The following ITSN2 variants were observed in gnomAD, a reference collection of about 807,000 sequenced individuals.
The protein encoded by ITSN2 is intersectin-2.
In ITSN2, 156 loss-of-function variants were observed where a neutral mutation model predicts 243.7. The ratio of observed to expected loss-of-function variants is 0.64; its 90% CI spans 0.56 to 0.73. ITSN2 has a LOEUF of 0.73. Ranked by LOEUF, ITSN2 falls within the 30% of genes least tolerant of loss-of-function variation. The pLI, the probability that ITSN2 is intolerant of heterozygous loss-of-function variation, is 0.00. For synonymous variants in ITSN2, 703 were observed against 699.9 expected (o/e 1.00, Z -0.07); for missense variants, 1,801 against 1,996.1 (o/e 0.90, Z 1.86).
chr2:24,334,726 C>G (rs951325660), intron 1 of ITSN2: 3 of 1,585,292 alleles, frequency 1.9e-6, no homozygotes, highest in Non-Finnish European at 2.6e-6. Context: ...GGCTTGAGTG[C>G]GTTGAGCCCA....
chr2:24,288,451 T>A (rs952787905), intron 15 of ITSN2, among the ~76,000 whole-genome samples: 4 of 152,140 alleles, frequency 2.6e-5, no homozygotes, highest in Admixed American at 6.5e-5. Context: ...GTAAATTGGC[T>A]AAGGAGCTAA....
At chr2:24,325,936 C>T (rs549431627) in intron 2 of ITSN2, among the ~76,000 whole-genome samples, 138 of 151,932 alleles carry the variant, frequency 9.1e-4, no homozygotes, top group Middle Eastern at 6.8e-3. Flanking sequence ...CATACACACA[C>T]ACACATACAC....
At position 24,203,467 on chromosome 2, in the gene ITSN2, T is replaced by C; in HGVS notation, c.*159A>G. 3.0e-6 allele frequency: 2 copies of C among 664,156 alleles called. No homozygotes were observed. The highest frequency in any genetic ancestry group is 5.0e-6 in the Non-Finnish European group (2 of 400,148). 41.1% of individuals were successfully genotyped at this position (664,156 alleles called of 1,614,324 possible). ...TTATGGGAAAGGTGTTTGCATAGAT[T>C]GCTAGCTATTTAGTGTGCAGGAAAA... On this transcript the variant is annotated 3_prime_UTR_variant, in exon 40 of 40. Transcript: ENST00000355123.
Position 24,209,174 on chromosome 2 carries a change from G to A in ITSN2, c.4521C>T (p.Ser1507=), listed in dbSNP as rs1263247741. ...AAATGTGGAAGACAGGCTCATCGCT[G>A]GAAGGGTCTGTGGGCAGTTTCACCA... ...EVLVKLPTDP[S]SDEPVFHISH... Residue 1507 remains serine (S), a synonymous_variant, in exon 36 of 40, where the codon TCC becomes TCT. Transcript: ENST00000355123. The A allele has an allele frequency of 2.5e-6, 4 of 1,613,900 alleles. No homozygotes were observed. The highest frequency in any genetic ancestry group is 3.4e-6 in the Non-Finnish European group (4 of 1,179,892).
intron 2 of ITSN2, chr2:24,326,709 A>T (rs1389649019): frequency 5.9e-6 from 1 of 169,062 alleles, no homozygotes; most frequent in Non-Finnish European, 1.5e-5. Context: ...GAAACAACAA[A>T]ATCTTTACTT....
At chr2:24,272,063 T>C (rs1677427235) in intron 18 of ITSN2, 122 bp from the exon 19 acceptor site, 1 of 742,630 alleles carries the variant, frequency 1.3e-6, no homozygotes, top group Non-Finnish European at 2.1e-6. Context: ...AGTACAGGGG[T>C]GGGGAGAAAC....
chr2:24,359,541 A>C (rs944219897), intron 1 of ITSN2, among the ~76,000 whole-genome samples: 1 of 152,218 alleles, frequency 6.6e-6, no homozygotes, highest in African/African-American at 2.4e-5. Context: ...ATAATTAATA[A>C]ATCCAAACGG....
chr2:24,359,896 G>A (rs1472923595), intron 1 of ITSN2, among the ~76,000 whole-genome samples: 1 of 152,054 alleles, frequency 6.6e-6, no homozygotes, highest in Non-Finnish European at 1.5e-5. Flanking sequence ...AAAATAAAAT[G>A]GGTCCCCGAG....
intron 1 of ITSN2, among the ~76,000 whole-genome samples, chr2:24,337,636 C>T (rs1686600599): frequency 6.8e-6 from 1 of 148,144 alleles, no homozygotes; most frequent in Admixed American, 6.7e-5. Context: ...AGGCGTGAGC[C>T]ACCACGCCTG....
chr2:24,271,943 T>C lies in ITSN2; in HGVS notation c.2082-2A>G. On this transcript the variant is annotated splice_acceptor_variant, in intron 18 of 39. Coordinates refer to ENST00000355123, the MANE Select transcript of ITSN2 (RefSeq NM_006277.3). LOFTEE classifies it high-confidence loss of function. ...TTTTCTTTTCCTTGCTTTGCTTTCC[T>C]TTACATAAAAGAAAAAGAGTTTGTA... The C allele has an allele frequency of 6.6e-7, 1 of 1,516,256 alleles. No homozygotes were observed. Among genetic ancestry groups the C allele is most frequent in the Non-Finnish European group, 8.9e-7 (1 of 1,125,114 alleles). The allele number at this position is 1,516,256 out of a possible 1,614,324, so 93.9% of individuals were successfully genotyped here.
At chr2:24,334,403 C>G in intron 1 of ITSN2, 1 of 404,268 alleles carries the variant, frequency 2.5e-6, no homozygotes, top group East Asian at 5.9e-5. Flanking sequence ...CCATCTTGGC[C>G]AAACCCCAAA....
At chr2:24,241,778 T>C (rs1244248235) in intron 29 of ITSN2, 1 of 152,618 alleles carries the variant, frequency 6.6e-6, no homozygotes, top group East Asian at 1.9e-4. Flanking sequence ...ATCTGAATTC[T>C]GTAAATGAAT....
chr2:24,359,569 T>C (rs186976744), intron 1 of ITSN2, among the ~76,000 whole-genome samples: 35 of 152,300 alleles, frequency 2.3e-4, no homozygotes, highest in African/African-American at 7.9e-4. Flanking sequence ...TTCTATAGAA[T>C]ACAAAGCCAT....
At chr2:24,280,809 T>C (rs1553370095) in intron 17 of ITSN2, among the ~76,000 whole-genome samples, 1 of 152,166 alleles carries the variant, frequency 6.6e-6, no homozygotes, top group Non-Finnish European at 1.5e-5. Flanking sequence ...TCTAAGTCTT[T>C]GACATCCACA....
intron 1 of ITSN2, among the ~76,000 whole-genome samples, chr2:24,330,907 C>T (rs916939598): frequency 8.6e-5 from 13 of 151,604 alleles, no homozygotes; most frequent in Admixed American, 2.6e-4. Flanking sequence ...GCTGGGATTA[C>T]AGGCAGGCGC....
chr2:24,286,229 A>G lies in ITSN2; in HGVS notation c.1846T>C (p.Phe616Leu). 6.3e-7 allele frequency: 1 copy of G among 1,589,660 alleles called. No individual in the cohort carries two copies. The highest frequency in any genetic ancestry group is 8.6e-7 in the Non-Finnish European group (1 of 1,164,232). The change falls in exon 16 of 40, where the codon TTT becomes CTT. Residue 616 changes from phenylalanine (F) to leucine (L), a missense_variant. Phe to Leu is a conservative substitution (Grantham distance 22, BLOSUM62 0). This residue lies in a region of ITSN2 where 787 missense variants were observed against 803.9 expected (regional missense o/e 0.98). Coordinates refer to ENST00000355123, the MANE Select transcript of ITSN2 (RefSeq NM_006277.3). ...TASKLSEMDS[F>L]NNQLKCGNMD... ...ATAAATACCTTTAGTTGATTGTTAA[A>G]AGAATCCATTTCTGACAGCTTAGAT... is the stretch of plus-strand genomic sequence containing the variant.
At chr2:24,231,486 T>A (rs1215601088) in intron 29 of ITSN2, among the ~76,000 whole-genome samples, 3 of 152,132 alleles carry the variant, frequency 2.0e-5, no homozygotes, top group African/African-American at 7.2e-5. Context: ...AGATGAGAGA[T>A]CATGGCTACT....
intron 30 of ITSN2, chr2:24,220,498 T>G: frequency 1.0e-6 from 1 of 999,256 alleles, no homozygotes; most frequent in Non-Finnish European, 1.2e-6. Flanking sequence ...GATACAACCA[T>G]GAGGTGAACA....
At chr2:24,267,144 C>T (rs1299819887) in intron 20 of ITSN2, among the ~76,000 whole-genome samples, 4 of 151,886 alleles carry the variant, frequency 2.6e-5, no homozygotes, top group Non-Finnish European at 5.9e-5. Context: ...AAACAGAAAA[C>T]CAAACACCAC....
Sources: gnomAD v4.1 joint callset for allele counts (sites outside exome capture counted in the v4.1 genomes callset) on GRCh38, gnomAD v4.1.1 for gene constraint, gnomAD v4.1.1 regional missense constraint, MANE v1.5 for transcripts, NCBI Gene and HGNC (gene_info 2026-07-23, HGNC 2026-07-21) for gene names.